Variants in KIF14 observed in about 807,000 individuals in gnomAD.
KIF14 encodes the protein kinesin-like protein KIF14.
A neutral mutation model predicts 176.2 loss-of-function variants in KIF14; 98 were observed. The observed-to-expected ratio is 0.56, with a 90% CI of 0.47 to 0.66. KIF14 has a LOEUF of 0.66. Among genes scored for constraint, KIF14 ranks in the 30% least tolerant of loss-of-function variants. The probability of loss-of-function intolerance (pLI) is 0.00; values close to 1 mark genes in which losing one functional copy is unlikely to be tolerated. For missense variants in KIF14, 1,751 were observed against 1,920.4 expected, an observed-to-expected ratio of 0.91 and a Z score of 1.65; for synonymous variants, 566 against 632.2, an observed-to-expected ratio of 0.90 and a Z score of 1.57.
rs140055146 is a variant in KIF14 at position 200,557,451 on chromosome 1, A to G, written c.4353+1879T>C. Reference sequence around the variant, plus strand: ...TTCGTATACGTTGTTTCTTCATCTCATATGATCCTCAGAACAATTTTATGA... The same window carrying G: ...TTCGTATACGTTGTTTCTTCATCTCGTATGATCCTCAGAACAATTTTATGA... On this transcript the variant is annotated intron_variant, in intron 27 of 29. Transcript: ENST00000367350. 4.2e-3 allele frequency among the ~76,000 whole-genome samples: 633 copies of G among 152,326 alleles called. 4 individuals carry two copies. Among genetic ancestry groups the G allele is most frequent in the African/African-American group, 0.015 (610 of 41,560 alleles).
chr1:200,586,057 T>G, intron 19 of KIF14, 44 bp downstream of exon 19: 1 of 1,331,764 alleles, frequency 7.5e-7, no homozygotes, highest in Non-Finnish European at 1.0e-6. Context: ...ACATATAACA[T>G]GCATAATTTT....
chr1:200,568,746 T>G (rs1436576800), intron 23 of KIF14, among the ~76,000 whole-genome samples: 1 of 152,172 alleles, frequency 6.6e-6, no homozygotes, highest in Non-Finnish European at 1.5e-5. Context: ...GTCACCATAG[T>G]TTAGTTTGCC....
At chr1:200,558,461 G>A (rs892597888) in intron 27 of KIF14, among the ~76,000 whole-genome samples, 2 of 152,128 alleles carry the variant, frequency 1.3e-5, no homozygotes, top group Non-Finnish European at 2.9e-5. Flanking sequence ...ATAAAATCCT[G>A]GCTCAGGGCT....
In KIF14 at chr1:200,552,259, A is replaced by G. The variant is rs989947449; in HGVS notation, c.*1129T>C. 1.3e-5 allele frequency: 2 copies of G among 152,096 alleles called. No homozygotes were observed. The highest frequency in any genetic ancestry group is 4.8e-5 in the African/African-American group (2 of 41,428). The allele number at this position is 152,096 out of a possible 1,614,324, so 9.4% of individuals were successfully genotyped here. ...TCTCTTCAAATTATACATACTCTTG[A>G]GGTCAAAAACGTCAAACTATTTCCG... On this transcript the variant is annotated 3_prime_UTR_variant, in exon 30 of 30. Coordinates refer to ENST00000367350, the MANE Select transcript of KIF14 (RefSeq NM_014875.3).
In KIF14 at chr1:200,579,318, A is replaced by G. The variant is rs114342338; in HGVS notation, c.3465+936T>C. On this transcript the variant is annotated intron_variant, in intron 21 of 29. Transcript: ENST00000367350. ...ACTCTGTCTCTATTAAAAAAGAGTAATAATAAGCCCAGGCATGGTGGCTCA... is the reference window on the plus strand; with the variant it reads ...ACTCTGTCTCTATTAAAAAAGAGTAGTAATAAGCCCAGGCATGGTGGCTCA... Among the ~76,000 whole-genome samples, 1,180 of 151,990 alleles carry G rather than the reference A, an allele frequency of 7.8e-3. 8 individuals carry two copies. The highest frequency in any genetic ancestry group is 0.012 in the Non-Finnish European group (828 of 67,908).
Position 200,553,787 on chromosome 1 carries a change from G to T in KIF14, c.4568-20C>A. ...GGCATCCTATATGCAAGAGAGGAGG[G>T]AAAAGTTAATTAGCCTTTTCAGTTT... is the stretch of plus-strand genomic sequence containing the variant. On this transcript the variant is annotated intron_variant, in intron 29 of 29. Coordinates refer to ENST00000367350, the MANE Select transcript of KIF14 (RefSeq NM_014875.3). The T allele has an allele frequency of 6.4e-7, 1 of 1,555,412 alleles. No homozygotes were observed. Among genetic ancestry groups the T allele is most frequent in the East Asian group, 2.3e-5 (1 of 44,144 alleles).
rs1004893814 is a variant in KIF14, at chr1:200,551,906, A to C, written c.*1482T>G. On this transcript the variant is annotated 3_prime_UTR_variant, in exon 30 of 30. Transcript: ENST00000367350. ...GAATACAAGGTCAAATGCCAAAAAT[A>C]AAAAAAGAAATGAAAGCAAATGTGC... 6.6e-6 allele frequency: 1 copy of C among 152,202 alleles called. No individual in the cohort carries two copies. Among genetic ancestry groups the C allele is most frequent in the Non-Finnish European group, 1.5e-5 (1 of 68,014 alleles). The allele number at this position is 152,202 out of a possible 1,614,324, so 9.4% of individuals were successfully genotyped here. A position where few individuals can be genotyped will look rare whatever the true frequency, so the allele number is the denominator to read the frequency against.
At chr1:200,593,576 C>T in intron 15 of KIF14, 91 bp downstream of exon 15, 1 of 862,792 alleles carries the variant, frequency 1.2e-6, no homozygotes, top group South Asian at 1.4e-5. Flanking sequence ...CTTCAACACC[C>T]TTATCTTATA....
In KIF14 at chr1:200,598,352, G is replaced by C. The variant is rs1397006693; in HGVS notation, c.2434C>G (p.Leu812Val). ...ATCATATATAGCAGCATCTCAGATAGTTGTGGATCTTCATTCAGATTAACA... is the reference window on the plus strand; with the variant it reads ...ATCATATATAGCAGCATCTCAGATACTTGTGGATCTTCATTCAGATTAACA... ...NLVNLNEDPQ[L>V]SEMLLYMIKE... Residue 812 changes from leucine to valine, a missense_variant, in exon 14 of 30, where the codon CTA (leucine) becomes GTA (valine). By Grantham distance (32) the Leu-to-Val change is conservative. Coordinates refer to ENST00000367350, the MANE Select transcript of KIF14 (RefSeq NM_014875.3). 1.2e-6 allele frequency: 2 copies of C among 1,612,798 alleles called. No homozygotes were observed. Among genetic ancestry groups the C allele is most frequent in the African/African-American group, 2.7e-5 (2 of 74,888 alleles).
chr1:200,561,073 A>G (rs1657118902), intron 25 of KIF14, among the ~76,000 whole-genome samples, 193 bp from the exon 26 acceptor site: 1 of 152,068 alleles, frequency 6.6e-6, no homozygotes, highest in Non-Finnish European at 1.5e-5. Flanking sequence ...TCTACTAAAA[A>G]TACAAAAATT....
At chr1:200,581,040 G>A (rs1658411515) in intron 20 of KIF14, among the ~76,000 whole-genome samples, 161 bp downstream of exon 20, 1 of 149,642 alleles carries the variant, frequency 6.7e-6, no homozygotes, top group African/African-American at 2.5e-5. Flanking sequence ...CTTGAACCCG[G>A]GAGGTGGAGG....
chr1:200,598,212 CTTTTT>C lies in KIF14; in HGVS notation c.2549+20_2549+24del. On this transcript the variant is annotated intron_variant, in intron 14 of 29. Coordinates refer to ENST00000367350, the MANE Select transcript of KIF14 (RefSeq NM_014875.3). ...TCAAGATATAGAACAGGTGCCTTTT[CTTTTT>C]TTTTAGAGGATTAACATACCAATGA... 6.4e-7 allele frequency: 1 copy of C among 1,556,192 alleles called. No individual in the cohort carries two copies. The highest frequency in any genetic ancestry group is 8.7e-7 in the Non-Finnish European group (1 of 1,144,790).
chr1:200,566,619 G>T lies in KIF14; in HGVS notation c.3662-950C>A, dbSNP rs550075841. Reference sequence around the variant, plus strand: ...AAAAAAAAAAAGAGAGACAGACAGGGTCTTGCTCTGTTGCCCAGGCTGGAA... The same window carrying T: ...AAAAAAAAAAAGAGAGACAGACAGGTTCTTGCTCTGTTGCCCAGGCTGGAA... On this transcript the variant is annotated intron_variant, in intron 23 of 29. Transcript: ENST00000367350. 4.0e-5 allele frequency among the ~76,000 whole-genome samples: 6 copies of T among 151,144 alleles called. No homozygotes were observed. The East Asian group carries it at 1.0e-3, about 26-fold the overall frequency.
At chr1:200,604,135 C>T (rs976995126) in intron 8 of KIF14, among the ~76,000 whole-genome samples, 180 bp from the exon 9 acceptor site, 5 of 152,116 alleles carry the variant, frequency 3.3e-5, no homozygotes, top group African/African-American at 4.8e-5. Context: ...GGCATCATCA[C>T]GGCTCACTGC....
intron 22 of KIF14, 151 bp downstream of exon 22, chr1:200,575,440 T>TA (rs1369238516): frequency 2.5e-6 from 1 of 408,026 alleles, no homozygotes; most frequent in Non-Finnish European, 4.3e-6. Flanking sequence ...TTATTCCTCT[T>TA]ACAGTTCTGG....
At chr1:200,581,038 C>G (rs12093062) in intron 20 of KIF14, among the ~76,000 whole-genome samples, 163 bp downstream of exon 20, 2 of 142,310 alleles carry the variant, frequency 1.4e-5, no homozygotes, top group African/African-American at 2.7e-5. Flanking sequence ...TGCTTGAACC[C>G]GGGAGGTGGA....
At chr1:200,588,986 A>G (rs1658902291) in intron 18 of KIF14, among the ~76,000 whole-genome samples, 1 of 152,238 alleles carries the variant, frequency 6.6e-6, no homozygotes, top group African/African-American at 2.4e-5. Flanking sequence ...GCATAAAAAG[A>G]GAACACTGGA....
chr1:200,619,710 C>G (rs976821689), intron 1 of KIF14, among the ~76,000 whole-genome samples: 1 of 152,188 alleles, frequency 6.6e-6, no homozygotes, highest in African/African-American at 2.4e-5. Context: ...TGTCACGAGG[C>G]AGATTATTCC....
Position 200,602,039 on chromosome 1 carries a change from G to T in KIF14, c.2009C>A (p.Ser670Ter). 1.9e-6 allele frequency: 3 copies of T among 1,612,716 alleles called. No homozygotes were observed. Among genetic ancestry groups the T allele is most frequent in the Non-Finnish European group, 2.5e-6 (3 of 1,179,632 alleles). The change falls in exon 11 of 30, where the codon TCA becomes TAA. Residue 670 changes from serine (S) to a stop codon, truncating the protein, a stop_gained. Transcript: ENST00000367350. LOFTEE classifies it high-confidence loss of function. ...AATCGTAGCAATCATTGCAGTTTTTGAATTTCCACCCAGACTTTCTTTTAA... is the reference window on the plus strand; with the variant it reads ...AATCGTAGCAATCATTGCAGTTTTTTAATTTCCACCCAGACTTTCTTTTAA... ...WLLKESLGGN[S>*]KTAMIATISP...
Sources: gnomAD v4.1 joint callset for allele counts (sites outside exome capture counted in the v4.1 genomes callset) on GRCh38, gnomAD v4.1.1 for gene constraint, MANE v1.5 for transcripts, NCBI Gene and HGNC (gene_info 2026-07-23, HGNC 2026-07-21) for gene names.